Variants in DIS3L2 observed in about 807,000 individuals in gnomAD.
DIS3L2 encodes DIS3-like exonuclease 2.
In DIS3L2, 34 loss-of-function variants were observed where a neutral mutation model predicts 97.5. That is an observed-to-expected ratio of 0.35 (90% CI 0.27 to 0.46). The LOEUF (loss-of-function observed/expected upper bound fraction) is 0.46. Ranked by LOEUF, DIS3L2 falls within the 20% of genes least tolerant of loss-of-function variation. The pLI is 1.00. For missense variants in DIS3L2, 1,038 were observed against 1,146.0 expected (o/e 0.91, Z 1.36); for synonymous variants, 435 against 445.2 (o/e 0.98, Z 0.29).
intron 8 of DIS3L2, among the ~76,000 whole-genome samples, chr2:232,148,832 T>G (rs1690305882): frequency 6.7e-6 from 1 of 149,340 alleles, no homozygotes; most frequent in African/African-American, 2.5e-5. Context: ...ATAATTTCTT[T>G]CCTTTGTAGC....
At chr2:231,992,704 A>T (rs1039303699) in intron 1 of DIS3L2, among the ~76,000 whole-genome samples, 2 of 151,690 alleles carry the variant, frequency 1.3e-5, no homozygotes, top group African/African-American at 4.8e-5. Flanking sequence ...GCCTTATTTC[A>T]CTTCTCTTAG....
In DIS3L2 at chr2:232,087,714, T is replaced by A. The variant is rs1189527107; in HGVS notation, c.594T>A (p.Ser198=). Residue 198 remains serine, a synonymous_variant, in exon 6 of 21, where the codon TCT becomes TCA. Transcript: ENST00000325385. ...TTAAGAAACTCTCAGTTTGTGTTTC[T>A]GAGAAAGGTGAGTACTAGACTATTG... The part of the protein sequence containing the change: ...DGVKKLSVCV[S]EKGREDGDAP... 1.9e-6 allele frequency: 3 copies of A among 1,613,190 alleles called. No individual in the cohort carries two copies. The highest frequency in any genetic ancestry group is 1.7e-6 in the Non-Finnish European group (2 of 1,179,342).
intron 9 of DIS3L2, among the ~76,000 whole-genome samples, chr2:232,195,671 G>A (rs1270271482): frequency 1.3e-5 from 2 of 151,944 alleles, no homozygotes; most frequent in African/African-American, 4.8e-5. Flanking sequence ...AGGCTGGTCT[G>A]GAATTCCTGG....
At chr2:232,050,416 T>A (rs1204468760) in intron 5 of DIS3L2, among the ~76,000 whole-genome samples, 1 of 151,782 alleles carries the variant, frequency 6.6e-6, no homozygotes, top group Non-Finnish European at 1.5e-5. Context: ...GGATTATAGG[T>A]GCACCACCAT....
At chr2:232,204,453 A>G (rs1238331791) in intron 9 of DIS3L2, among the ~76,000 whole-genome samples, 2 of 152,188 alleles carry the variant, frequency 1.3e-5, no homozygotes, top group East Asian at 3.9e-4. Context: ...CTCTTTAAAA[A>G]GTTCTTCTAA....
intron 5 of DIS3L2, among the ~76,000 whole-genome samples, chr2:232,031,349 G>A (rs949653590): frequency 3.3e-5 from 5 of 152,066 alleles, no homozygotes; most frequent in Middle Eastern, 3.2e-3. Flanking sequence ...AGGGTGTAGG[G>A]AATTCAGTAA....
chr2:232,005,191 T>TTTTTTTTTA (rs1553600475), intron 1 of DIS3L2, among the ~76,000 whole-genome samples: 1 of 143,652 alleles, frequency 7.0e-6, no homozygotes. Context: ...TTTTTTTTTT[T>TTTTTTTTTA]ATTTCACTAG....
chr2:232,243,521 C>G (rs1693164341), intron 11 of DIS3L2, among the ~76,000 whole-genome samples: 1 of 152,092 alleles, frequency 6.6e-6, no homozygotes, highest in Non-Finnish European at 1.5e-5. Context: ...CCTCTTGAGG[C>G]TCTGAATAAC....
intron 14 of DIS3L2, among the ~76,000 whole-genome samples, chr2:232,305,242 A>AT (rs1035468330): frequency 6.6e-5 from 10 of 151,750 alleles, no homozygotes; most frequent in African/African-American, 2.4e-4. Flanking sequence ...CGCAGGGCTA[A>AT]TTTTTTTGTA....
At chr2:232,339,740 C>T (rs532967672), downstream of DIS3L2, 11 of 455,948 alleles carry the variant, frequency 2.4e-5, no homozygotes, top group African/African-American at 1.0e-4. Context: ...ACGAGAGAGC[C>T]GGGCCTGCCC....
chr2:232,000,541 C>G (rs1463844110), intron 1 of DIS3L2, among the ~76,000 whole-genome samples: 1 of 152,022 alleles, frequency 6.6e-6, no homozygotes, highest in Non-Finnish European at 1.5e-5. Flanking sequence ...TGGCTTATTT[C>G]ACTTAGCCTA....
rs987847512 is a variant in DIS3L2, at chr2:232,074,622, C to T, written c.367-12865C>T. Among the ~76,000 whole-genome samples, 18 of 144,622 alleles carry T rather than the reference C, an allele frequency of 1.2e-4. No individual in the cohort carries two copies. The Admixed American group carries it at 1.3e-3, about 10-fold the overall frequency. The allele number at this position is 144,622 out of a possible 152,430, so 94.9% of individuals were successfully genotyped here. A position where few individuals can be genotyped will look rare whatever the true frequency, so the allele number is the denominator to read the frequency against. On this transcript the variant is annotated intron_variant, in intron 5 of 20. Transcript: ENST00000325385. ...TGAGAAAGGATCTCGCTCTGTTACC[C>T]AGGTTCACCACGTGAGCAGTGACAC...
intron 9 of DIS3L2, among the ~76,000 whole-genome samples, chr2:232,171,406 A>G (rs1202203085): frequency 6.6e-6 from 1 of 152,148 alleles, no homozygotes; most frequent in Non-Finnish European, 1.5e-5. Flanking sequence ...CTGTATTTGA[A>G]ATGTCTTTTC....
At chr2:232,051,623 T>A (rs977506943) in intron 5 of DIS3L2, among the ~76,000 whole-genome samples, 3 of 151,236 alleles carry the variant, frequency 2.0e-5, no homozygotes, top group Non-Finnish European at 4.4e-5. Flanking sequence ...CCATCCCGGC[T>A]AAAACGGTGA....
At chr2:232,228,427 G>A (rs1249462166) in intron 10 of DIS3L2, among the ~76,000 whole-genome samples, 3 of 152,180 alleles carry the variant, frequency 2.0e-5, no homozygotes, top group Admixed American at 1.3e-4. Flanking sequence ...CTGGCCGTAT[G>A]TGCCGAAGCC....
intron 1 of DIS3L2, among the ~76,000 whole-genome samples, chr2:231,998,878 T>C (rs1393256500): frequency 6.6e-6 from 1 of 152,236 alleles, no homozygotes; most frequent in African/African-American, 2.4e-5. Context: ...TAGTCAGTTA[T>C]AAAATTTTGA....
chr2:231,995,816 T>C (rs1693716404), intron 1 of DIS3L2, among the ~76,000 whole-genome samples: 1 of 152,238 alleles, frequency 6.6e-6, no homozygotes, highest in African/African-American at 2.4e-5. Context: ...TTTCAGATAT[T>C]GACTCCACTA....
chr2:232,282,802 G>A (rs1291731024), intron 13 of DIS3L2, among the ~76,000 whole-genome samples: 1 of 152,214 alleles, frequency 6.6e-6, no homozygotes, highest in East Asian at 1.9e-4. Flanking sequence ...CCTGTGCTAA[G>A]CAGAGAGCAC....
intron 12 of DIS3L2, among the ~76,000 whole-genome samples, chr2:232,252,379 A>C (rs1693442324): frequency 6.6e-6 from 1 of 152,190 alleles, no homozygotes; most frequent in Admixed American, 6.5e-5. Flanking sequence ...ATTGCACTCC[A>C]GCTTGGGCAG....
Sources: allele counts gnomAD v4.1 joint callset (sites outside exome capture counted in the v4.1 genomes callset), GRCh38; gene constraint gnomAD v4.1.1; transcripts MANE v1.5; gene names NCBI Gene and HGNC (gene_info 2026-07-23, HGNC 2026-07-21).